OPCML: variants seen among roughly 807,000 people sequenced by gnomAD.
The protein encoded by OPCML is opioid-binding protein/cell adhesion molecule.
Under a neutral mutation model 37.8 loss-of-function variants are expected in OPCML, and 13 were observed. That is an observed-to-expected ratio of 0.34 (90% CI 0.22 to 0.55). The LOEUF is 0.55. OPCML is among the 20% of genes least tolerant of loss of function. OPCML has a pLI of 0.91. For missense variants in OPCML, 341 were observed against 435.6 expected, an observed-to-expected ratio of 0.78 and a Z score of 1.93; for synonymous variants, 176 against 168.8, an observed-to-expected ratio of 1.04 and a Z score of -0.33.
At chr11:132,923,869 T>C (rs1465327046) in intron 2 of OPCML, among the ~76,000 whole-genome samples, 2 of 145,286 alleles carry the variant, frequency 1.4e-5, no homozygotes, top group Non-Finnish European at 3.0e-5. Context: ...GTTCAAGCAA[T>C]TCTCCTTCCT....
intron 1 of OPCML, among the ~76,000 whole-genome samples, chr11:133,149,937 T>C (rs1412075057): frequency 6.6e-6 from 1 of 152,190 alleles, no homozygotes; most frequent in Non-Finnish European, 1.5e-5. Context: ...GCCGGAGCAC[T>C]TGTACTCAGC....
At chr11:132,831,926 C>T (rs1940714017) in intron 2 of OPCML, among the ~76,000 whole-genome samples, 1 of 152,050 alleles carries the variant, frequency 6.6e-6, no homozygotes. Context: ...CTTCCCTCTT[C>T]ATTTTCCTTC....
At chr11:132,687,009 T>C (rs1943188189) in intron 2 of OPCML, among the ~76,000 whole-genome samples, 1 of 114,648 alleles carries the variant, frequency 8.7e-6, no homozygotes, top group Non-Finnish European at 1.8e-5. Flanking sequence ...CCCTGAGATA[T>C]TTCTAGCTAG....
intron 1 of OPCML, among the ~76,000 whole-genome samples, chr11:133,460,430 T>TA (rs1347338470): frequency 1.3e-5 from 2 of 151,910 alleles, no homozygotes; most frequent in Non-Finnish European, 3.0e-5. Context: ...AGTTGGTTTT[T>TA]AAAAAACATT....
chr11:132,618,452 G>C (rs554072044), intron 3 of OPCML, among the ~76,000 whole-genome samples: 1 of 152,026 alleles, frequency 6.6e-6, no homozygotes, highest in Non-Finnish European at 1.5e-5. Context: ...GCAGTGAGCC[G>C]AGATGGCACC....
At chr11:132,899,345 T>C (rs1157662667) in intron 2 of OPCML, among the ~76,000 whole-genome samples, 2 of 152,220 alleles carry the variant, frequency 1.3e-5, no homozygotes, top group Non-Finnish European at 2.9e-5. Flanking sequence ...TTGGTTTTGC[T>C]CATCTCTTAT....
At chr11:132,552,408 G>A (rs1044891455) in intron 3 of OPCML, among the ~76,000 whole-genome samples, 1 of 152,142 alleles carries the variant, frequency 6.6e-6, no homozygotes, top group Non-Finnish European at 1.5e-5. Context: ...CTTCTCCAGT[G>A]TTCCCCATAT....
chr11:132,883,787 A>G (rs2136436835), intron 2 of OPCML, among the ~76,000 whole-genome samples: 1 of 152,354 alleles, frequency 6.6e-6, no homozygotes, highest in Non-Finnish European at 1.5e-5. Context: ...ATTCTTCTAC[A>G]CTAAAAAATC....
At chr11:133,082,673 C>A (rs1472054988) in intron 1 of OPCML, among the ~76,000 whole-genome samples, 3 of 123,226 alleles carry the variant, frequency 2.4e-5, no homozygotes, top group African/African-American at 9.6e-5. Context: ...CGGCACGGCA[C>A]GGCCCTGTCA....
chr11:133,419,948 A>G (rs1043830357), intron 1 of OPCML, among the ~76,000 whole-genome samples: 2 of 152,234 alleles, frequency 1.3e-5, no homozygotes, highest in African/African-American at 4.8e-5. Flanking sequence ...TTCAATGTAA[A>G]TAAAAATATC....
chr11:133,159,963 A>G (rs1260244738), intron 1 of OPCML, among the ~76,000 whole-genome samples: 1 of 152,230 alleles, frequency 6.6e-6, no homozygotes, highest in Non-Finnish European at 1.5e-5. Flanking sequence ...CTCAAACAAT[A>G]CAGACAGAAC....
chr11:132,906,854 C>A (rs1309216800), intron 2 of OPCML, among the ~76,000 whole-genome samples: 1 of 152,196 alleles, frequency 6.6e-6, no homozygotes, highest in Non-Finnish European at 1.5e-5. Context: ...CTTTAGCAAC[C>A]AGAGTGAGGC....
intron 3 of OPCML, among the ~76,000 whole-genome samples, chr11:132,571,863 G>T (rs1358979301): frequency 6.6e-6 from 1 of 152,080 alleles, no homozygotes; most frequent in Admixed American, 6.5e-5. Flanking sequence ...TTTCATAGCA[G>T]CTGTACCATT....
intron 1 of OPCML, among the ~76,000 whole-genome samples, chr11:133,514,546 A>T (rs1020200868): frequency 9.2e-5 from 14 of 152,320 alleles, no homozygotes; most frequent in Non-Finnish European, 1.6e-4. Context: ...CGACCCCTTT[A>T]GGTTAGAAGT....
chr11:133,090,556 G>A (rs972471730), intron 1 of OPCML, among the ~76,000 whole-genome samples: 1 of 152,130 alleles, frequency 6.6e-6, no homozygotes, highest in Admixed American at 6.5e-5. Flanking sequence ...AGGAAGAAAG[G>A]CCATCATTGT....
chr11:133,263,978 T>C (rs1056638705), intron 1 of OPCML, among the ~76,000 whole-genome samples: 1 of 152,198 alleles, frequency 6.6e-6, no homozygotes, highest in African/African-American at 2.4e-5. Flanking sequence ...ACGTTTAAAA[T>C]GGAACAGTGA....
rs543446459 is a variant in OPCML, at chr11:132,787,949, C to T, written c.147-130630G>A. On this transcript the variant is annotated intron_variant, in intron 2 of 7. Coordinates refer to ENST00000524381, the MANE Select transcript of OPCML (RefSeq NM_001012393.5). ...AGGCTGGTGTGCAGTGGTGCAATCT[C>T]GGCTCACTGCAACCTCCGCCTCCTG... Among the ~76,000 whole-genome samples the T allele has an allele frequency of 4.6e-5, 7 of 152,264 alleles. No individual in the cohort carries two copies. In the South Asian group the frequency reaches 1.0e-3, roughly 23 times the overall value.
intron 2 of OPCML, among the ~76,000 whole-genome samples, chr11:132,716,420 ATCTAT>A (rs1565802066): frequency 3.7e-5 from 1 of 26,822 alleles, no homozygotes; most frequent in Non-Finnish European, 9.7e-5. Flanking sequence ...CTGTCTATCT[ATCTAT>A]CTATCTATCT....
intron 1 of OPCML, among the ~76,000 whole-genome samples, chr11:133,481,651 A>G (rs921538892): frequency 6.6e-6 from 1 of 152,156 alleles, no homozygotes; most frequent in Non-Finnish European, 1.5e-5. Flanking sequence ...ATAGGCTATG[A>G]CTACACTAGG....
Sources: allele counts gnomAD v4.1 joint callset (sites outside exome capture counted in the v4.1 genomes callset), GRCh38; gene constraint gnomAD v4.1.1; transcripts MANE v1.5; gene names NCBI Gene and HGNC (gene_info 2026-07-23, HGNC 2026-07-21).